Variants in ARSG observed in about 807,000 individuals in gnomAD.
ARSG encodes ASG.
A neutral mutation model predicts 50.5 loss-of-function variants in ARSG; 37 were observed. The ratio of observed to expected loss-of-function variants is 0.73; its 90% CI spans 0.56 to 0.96. The LOEUF (loss-of-function observed/expected upper bound fraction) is 0.96. ARSG is among the 50% of genes least tolerant of loss of function. The pLI is 0.00. For missense variants in ARSG, 629 were observed against 675.3 expected (o/e 0.93, Z 0.76); for synonymous variants, 225 against 254.6 (o/e 0.88, Z 1.11).
At chr17:68,435,640 G>A in the ARSG span, 4 of 1,614,198 alleles carry the variant, frequency 2.5e-6, no homozygotes, top group South Asian at 4.4e-5. Context: ...GCACTTGCTA[G>A]TTTGGAGCCT....
intron 1 of ARSG, among the ~76,000 whole-genome samples, chr17:68,297,987 T>TTC (rs1555759022): frequency 4.0e-5 from 6 of 150,606 alleles, no homozygotes; most frequent in African/African-American, 7.3e-5. Flanking sequence ...TTTTTTTTTT[T>TTC]CCCCTGATAT....
At chr17:68,293,055 C>G (rs542318696) in intron 1 of ARSG, among the ~76,000 whole-genome samples, 7 of 152,294 alleles carry the variant, frequency 4.6e-5, no homozygotes, top group African/African-American at 1.7e-4. Flanking sequence ...TTATGCTTTA[C>G]CAAGGCCAAT....
chr17:68,266,138 T>C (rs1381615168), intron 1 of ARSG, among the ~76,000 whole-genome samples: 3 of 151,526 alleles, frequency 2.0e-5, no homozygotes, highest in Non-Finnish European at 4.4e-5. Context: ...ATCATTTCAT[T>C]CATGTATTTT....
At chr17:68,312,339 G>A (rs1599672137) in intron 2 of ARSG, among the ~76,000 whole-genome samples, 1 of 152,084 alleles carries the variant, frequency 6.6e-6, no homozygotes, top group Admixed American at 6.5e-5. Context: ...CCCAAATTTT[G>A]CATGTAGGAA....
In ARSG at chr17:68,322,603, G is replaced by A. The variant is rs567587466; in HGVS notation, c.218+14892G>A. Among the ~76,000 whole-genome samples the A allele has an allele frequency of 2.6e-5, 4 of 151,798 alleles. No homozygotes were observed. The South Asian group carries it at 6.2e-4, about 24-fold the overall frequency. On this transcript the variant is annotated intron_variant, in intron 2 of 11. Transcript: ENST00000621439. Reference sequence around the variant, plus strand: ...CTGCACTCCAGCCTGGCGATAGAGTGAGACTCCGTCTCAAAAAAATAAAAT... The same window carrying A: ...CTGCACTCCAGCCTGGCGATAGAGTAAGACTCCGTCTCAAAAAAATAAAAT...
chr17:68,342,737 C>A (rs1164821592), intron 2 of ARSG, among the ~76,000 whole-genome samples: 1 of 152,176 alleles, frequency 6.6e-6, no homozygotes, highest in African/African-American at 2.4e-5. Flanking sequence ...TTAGGCACTA[C>A]ATCTGGGGGC....
In ARSG at chr17:68,271,002, C is replaced by T; in HGVS notation, c.-552+11576C>T. 1.2e-6 allele frequency: 2 copies of T among 1,614,136 alleles called. No homozygotes were observed. The highest frequency in any genetic ancestry group is 2.7e-5 in the African/African-American group (2 of 75,014). On this transcript the variant is annotated intron_variant, in intron 1 of 11. Transcript: ENST00000448504. This position sits in a 1 kb window ranked among gnomAD's most constrained non-coding sequence, Gnocchi z 5.3. ...TAAACCCAAAAAATATGCTGCATGA[C>T]ATTAGACCCCAGAATTCAGTAGCAA...
intron 11 of ARSG, among the ~76,000 whole-genome samples, chr17:68,419,868 G>T (rs999440628): frequency 2.0e-4 from 30 of 151,906 alleles, no homozygotes; most frequent in African/African-American, 7.3e-4. Flanking sequence ...TGAAGTGGGA[G>T]GATCACTTGA....
chr17:68,347,077 T>C, intron 3 of ARSG, 48 bp from the exon 4 acceptor site: 1 of 1,603,876 alleles, frequency 6.2e-7, no homozygotes. Context: ...GGGGCTGTGG[T>C]ACCCCTATGG....
At chr17:68,417,252 G>A (rs192068508) in intron 11 of ARSG, among the ~76,000 whole-genome samples, 4 of 152,246 alleles carry the variant, frequency 2.6e-5, no homozygotes, top group Admixed American at 2.0e-4. Flanking sequence ...GGTCAGTTAG[G>A]CTGTGAGAAA....
At chr17:68,282,723 C>A (rs1270851470) in intron 1 of ARSG, among the ~76,000 whole-genome samples, 4 of 137,706 alleles carry the variant, frequency 2.9e-5, no homozygotes, top group Non-Finnish European at 6.1e-5. Context: ...ATGGGTGGAT[C>A]ATGAGGTCAG....
chr17:68,428,233 T>TG, the ARSG span: 1 of 151,604 alleles, frequency 6.6e-6, no homozygotes, highest in South Asian at 2.1e-4. Context: ...AATAGGTTTT[T>TG]TTTTTTTTTT....
At chr17:68,285,587 T>G (rs1568418720) in intron 1 of ARSG, 1 of 152,238 alleles carries the variant, frequency 6.6e-6, no homozygotes, top group Non-Finnish European at 1.5e-5. Context: ...GGAGAACTGC[T>G]TGAACCCAGG....
At position 68,399,805 on chromosome 17, in the gene ARSG, G is replaced by A. The variant is rs1037798716; in HGVS notation, c.1213-1555G>A. On this transcript the variant is annotated intron_variant, in intron 10 of 11. Transcript: ENST00000621439. The surrounding 1 kb of genome is among the most constrained non-coding windows in gnomAD (Gnocchi z 4.6). The stretch of plus-strand genomic sequence containing the variant: ...TCACTCCCATCTTCTGCATGTCCGC[G>A]TGCATCGTATATCAGTTGACAATAG... 8.5e-5 allele frequency among the ~76,000 whole-genome samples: 13 copies of A among 152,194 alleles called. No individual in the cohort carries two copies. The highest frequency in any genetic ancestry group is 3.3e-4 in the Admixed American group (5 of 15,272).
At chr17:68,441,982 G>A in the ARSG span, among the ~76,000 whole-genome samples, 7 of 152,242 alleles carry the variant, frequency 4.6e-5, no homozygotes, top group East Asian at 1.2e-3. Flanking sequence ...GGAAGTCTCT[G>A]CTATTGTTTC....
At chr17:68,386,298 G>A (rs1366571311) in intron 9 of ARSG, among the ~76,000 whole-genome samples, 2 of 152,164 alleles carry the variant, frequency 1.3e-5, no homozygotes, top group African/African-American at 4.8e-5. Context: ...GAAAACTGCT[G>A]GTTAAAGACC....
intron 2 of ARSG, among the ~76,000 whole-genome samples, chr17:68,331,495 T>C (rs1053830845): frequency 4.6e-5 from 7 of 152,030 alleles, no homozygotes; most frequent in African/African-American, 1.7e-4. Flanking sequence ...CTGCCCGCCT[T>C]GGCCTCCCAA....
chr17:68,392,799 C>T (rs1199459840), intron 9 of ARSG, among the ~76,000 whole-genome samples: 3 of 152,178 alleles, frequency 2.0e-5, no homozygotes, highest in Admixed American at 6.5e-5. Flanking sequence ...CGCACCTGGC[C>T]GCATTCACTA....
At chr17:68,291,936 C>T (rs1555756317) in intron 1 of ARSG, among the ~76,000 whole-genome samples, 1 of 151,942 alleles carries the variant, frequency 6.6e-6, no homozygotes, top group African/African-American at 2.4e-5. Context: ...GCTTCGCGCC[C>T]GCCCCGGGCA....
Sources: allele counts gnomAD v4.1 joint callset (sites outside exome capture counted in the v4.1 genomes callset), GRCh38; gene constraint gnomAD v4.1.1; non-coding constraint Gnocchi (gnomAD v3.1); transcripts MANE v1.5; gene names NCBI Gene and HGNC (gene_info 2026-07-23, HGNC 2026-07-21).